TDRD9: variants seen among roughly 807,000 people sequenced by gnomAD.
The protein encoded by TDRD9 is tudor domain containing 9, also known as ATP-dependent RNA helicase TDRD9.
TDRD9 carries 124 observed loss-of-function variants against 172.6 expected under a neutral mutation model. The ratio of observed to expected loss-of-function variants is 0.72; its 90% CI spans 0.62 to 0.83. TDRD9 has a LOEUF of 0.83. Among genes scored for constraint, TDRD9 ranks in the 40% least tolerant of loss-of-function variants. The probability of loss-of-function intolerance (pLI) is 0.00; values close to 1 mark genes in which losing one functional copy is unlikely to be tolerated. For synonymous variants in TDRD9, 619 were observed against 617.1 expected (o/e 1.00, Z -0.05); for missense variants, 1,479 against 1,714.1 (o/e 0.86, Z 2.42).
intron 19 of TDRD9, 87 bp downstream of exon 19, chr14:104,007,291 C>A: frequency 7.8e-7 from 1 of 1,280,232 alleles, no homozygotes; most frequent in Non-Finnish European, 1.1e-6. Flanking sequence ...GCGTGTGAAT[C>A]ATGACGGTGC....
At chr14:103,962,997 C>A in intron 2 of TDRD9, 82 bp from the exon 3 acceptor site, 2 of 564,818 alleles carry the variant, frequency 3.5e-6, no homozygotes, top group Admixed American at 3.7e-5. Context: ...TGTGTGTATG[C>A]TGTATCTATA....
At chr14:103,944,322 T>TTGG (rs1284032127) in intron 1 of TDRD9, among the ~76,000 whole-genome samples, 15 of 152,166 alleles carry the variant, frequency 9.9e-5, no homozygotes, top group African/African-American at 3.6e-4. Context: ...TCCTTCAGCT[T>TTGG]TGGTTCAACT....
At chr14:104,021,813 A>G (rs985766019) in intron 23 of TDRD9, among the ~76,000 whole-genome samples, 5 of 152,254 alleles carry the variant, frequency 3.3e-5, no homozygotes, top group Non-Finnish European at 7.3e-5. Flanking sequence ...AAAGAAAGAC[A>G]TTCTGTTATA....
chr14:104,009,841 T>C (rs943441483), intron 20 of TDRD9, among the ~76,000 whole-genome samples: 1 of 152,076 alleles, frequency 6.6e-6, no homozygotes, highest in South Asian at 2.1e-4. Context: ...TCACAGCTCA[T>C]AGAAGCCTTG....
intron 1 of TDRD9, among the ~76,000 whole-genome samples, chr14:103,952,342 G>A (rs1157210977): frequency 1.4e-5 from 2 of 138,654 alleles, no homozygotes; most frequent in Non-Finnish European, 1.5e-5. Context: ...CCGGGTTCAC[G>A]CCAATCTTCC....
At chr14:103,966,361 A>G (rs1347590144) in intron 4 of TDRD9, among the ~76,000 whole-genome samples, 4 of 152,236 alleles carry the variant, frequency 2.6e-5, no homozygotes, top group African/African-American at 2.4e-5. Flanking sequence ...TTGAAAATAA[A>G]TTGTAATTTC....
intron 1 of TDRD9, among the ~76,000 whole-genome samples, chr14:103,948,360 G>C (rs2031683622): frequency 6.6e-6 from 1 of 152,144 alleles, no homozygotes; most frequent in African/African-American, 2.4e-5. Context: ...TGGTGAGGAT[G>C]TGGAGAAATT....
intron 21 of TDRD9, 21 bp downstream of exon 21, chr14:104,014,862 TA>T (rs766513260): frequency 7.2e-7 from 1 of 1,380,126 alleles, no homozygotes. Context: ...GTTTCCTGGA[TA>T]TTTTTTTTCC....
chr14:103,952,204 ATATATATATATATATATTTTTTT>A (rs2031929128), intron 1 of TDRD9, among the ~76,000 whole-genome samples: 1 of 74,296 alleles, frequency 1.3e-5, no homozygotes, highest in Non-Finnish European at 2.4e-5. Context: ...ATATATATAT[ATATATATATATATATATTTTTTT>A]TTTTTTTTTT....
chr14:104,010,259 CTTTTATT>C (rs1294104426), intron 20 of TDRD9, among the ~76,000 whole-genome samples: 1 of 151,722 alleles, frequency 6.6e-6, no homozygotes, highest in Non-Finnish European at 1.5e-5. Context: ...TTTTTTTATT[CTTTTATT>C]TTTTTGTAGA....
chr14:103,937,354 T>G (rs183209370), intron 1 of TDRD9, among the ~76,000 whole-genome samples: 214 of 152,332 alleles, frequency 1.4e-3, no homozygotes, highest in African/African-American at 5.1e-3. Context: ...CTCTTCTGTA[T>G]TCAGTGCTTC....
chr14:104,044,677 T>A (rs1226698463), intron 34 of TDRD9, among the ~76,000 whole-genome samples: 1 of 152,248 alleles, frequency 6.6e-6, no homozygotes, highest in East Asian at 1.9e-4. Context: ...ACTTTTTTAA[T>A]CCATTCACCA....
Position 104,026,664 on chromosome 14 carries a change from C to T in TDRD9, c.3022-15C>T, listed in dbSNP as rs745701790. The T allele has an allele frequency of 1.9e-6, 3 of 1,613,106 alleles. No homozygotes were observed. Among genetic ancestry groups the T allele is most frequent in the African/African-American group, 1.3e-5 (1 of 75,006 alleles). ...TTTATAAAGCTGTTTGAGCTGTGCC[C>T]TTCTGTCCTTGTAGGCTTTGGAATT... On this transcript the variant is annotated splice_polypyrimidine_tract_variant and intron_variant, in intron 27 of 35. Transcript: ENST00000409874.
rs1485874264 is a variant in TDRD9, at chr14:103,980,553, T to C, written c.1011+5000T>C. 6.6e-6 allele frequency among the ~76,000 whole-genome samples: 1 copy of C among 151,848 alleles called. No homozygotes were observed. The highest frequency in any genetic ancestry group is 2.4e-5 in the African/African-American group (1 of 41,290). On this transcript the variant is annotated intron_variant, in intron 7 of 35. Transcript: ENST00000409874. This position sits in a 1 kb window ranked among gnomAD's most constrained non-coding sequence, Gnocchi z 4.5. ...ATGGAACATGAAAGCAGACTAGGAG[T>C]GTGACCACTGAAGCACAGCATCACA...
intron 7 of TDRD9, among the ~76,000 whole-genome samples, chr14:103,977,249 T>C (rs1172270511): frequency 6.6e-6 from 1 of 151,728 alleles, no homozygotes; most frequent in African/African-American, 2.4e-5. Context: ...CCCAGCACTT[T>C]GGGAGGCCGA....
chr14:104,032,148 A>T, intron 30 of TDRD9, 61 bp downstream of exon 30: 1 of 997,396 alleles, frequency 1.0e-6, no homozygotes, highest in Non-Finnish European at 1.5e-6. Flanking sequence ...TATAGATCTC[A>T]TCAGAAAATA....
At chr14:103,976,586 C>G (rs908482657) in intron 7 of TDRD9, among the ~76,000 whole-genome samples, 1 of 151,942 alleles carries the variant, frequency 6.6e-6, no homozygotes, top group Non-Finnish European at 1.5e-5. Flanking sequence ...TAATGTACAC[C>G]TAGGTTGATT....
At chr14:104,051,552 T>C (rs2035935796) in intron 35 of TDRD9, among the ~76,000 whole-genome samples, 1 of 152,262 alleles carries the variant, frequency 6.6e-6, no homozygotes, top group Admixed American at 6.5e-5. Flanking sequence ...GTGGCTGAAC[T>C]AAGTTGTATT....
chr14:103,942,619 G>A (rs17101952), intron 1 of TDRD9, among the ~76,000 whole-genome samples: 3,560 of 152,254 alleles, frequency 0.023, 80 homozygotes, highest in East Asian at 0.071. Context: ...AAATAGCCAC[G>A]TTGCTTTTAT....
Sources: gnomAD v4.1 joint callset for allele counts (sites outside exome capture counted in the v4.1 genomes callset) on GRCh38, gnomAD v4.1.1 for gene constraint, Gnocchi (gnomAD v3.1) non-coding constraint, MANE v1.5 for transcripts, NCBI Gene and HGNC (gene_info 2026-07-23, HGNC 2026-07-21) for gene names.